SLC38A7: variants seen among roughly 807,000 people sequenced by gnomAD.
SLC38A7 encodes the protein sodium-coupled neutral amino acid transporter 7.
In SLC38A7, 29 loss-of-function variants were observed where a neutral mutation model predicts 50.1. The ratio of observed to expected loss-of-function variants is 0.58; its 90% CI spans 0.43 to 0.79. SLC38A7 has a LOEUF of 0.79. Ranked by LOEUF, SLC38A7 falls within the 30% of genes least tolerant of loss-of-function variation. The probability of loss-of-function intolerance (pLI) is 0.00; values close to 1 mark genes in which losing one functional copy is unlikely to be tolerated. For missense variants in SLC38A7, 483 were observed against 610.6 expected (o/e 0.79, Z 2.20); for synonymous variants, 244 against 245.9 (o/e 0.99, Z 0.07).
chr16:58,672,011 G>C (rs2044168076), intron 9 of SLC38A7, 85 bp downstream of exon 9: 5 of 1,390,050 alleles, frequency 3.6e-6, no homozygotes, highest in Middle Eastern at 2.5e-4. Flanking sequence ...CCTTCTACAG[G>C]ATGGGGTCCA....
intron 9 of SLC38A7, chr16:58,671,773 T>TGC: frequency 4.2e-6 from 1 of 235,330 alleles, no homozygotes; most frequent in South Asian, 9.8e-5. Context: ...TCTCACTAGG[T>TGC]TGCCCAGGTG....
chr16:58,678,610 A>G lies in SLC38A7; in HGVS notation c.469+86T>C, dbSNP rs1236900343. ...AATGCTGGGCCCAGGTAAGTCCTGG[A>G]GAGGTGTTCAGTGCCTTTTCCCTCC... On this transcript the variant is annotated intron_variant, in intron 4 of 11. Coordinates refer to ENST00000219320, the MANE Select transcript of SLC38A7 (RefSeq NM_018231.3). This position sits in a 1 kb window ranked among gnomAD's most constrained non-coding sequence, Gnocchi z 4.0. 2 of 1,574,588 alleles carry G rather than the reference A, an allele frequency of 1.3e-6. No homozygotes were observed. Among genetic ancestry groups the G allele is most frequent in the Admixed American group, 1.7e-5 (1 of 57,452 alleles).
intron 10 of SLC38A7, 63 bp from the exon 11 acceptor site, chr16:58,670,230 C>A: frequency 2.6e-6 from 4 of 1,515,466 alleles, no homozygotes; most frequent in South Asian, 1.1e-5. Context: ...CTCCTAGCCA[C>A]CTCCTTTCCC....
At position 58,680,207 on chromosome 16, in the gene SLC38A7, C is replaced by T; in HGVS notation, c.-81G>A. On this transcript the variant is annotated 5_prime_UTR_variant, in exon 3 of 12. Transcript: ENST00000219320. ...CCTCAGGGAGCTGAGCAACACCCACCTGTTTGGGGCTGTTAGCTTAGGACT... is the reference window on the plus strand; with the variant it reads ...CCTCAGGGAGCTGAGCAACACCCACTTGTTTGGGGCTGTTAGCTTAGGACT... 7.0e-7 allele frequency: 1 copy of T among 1,431,760 alleles called. No individual in the cohort carries two copies. Among genetic ancestry groups the T allele is most frequent in the Non-Finnish European group, 9.2e-7 (1 of 1,087,806 alleles). The allele number at this position is 1,431,760 out of a possible 1,614,324, so 88.7% of individuals were successfully genotyped here. A position where few individuals can be genotyped will look rare whatever the true frequency, so the allele number is the denominator to read the frequency against.
At chr16:58,671,782 T>TATTATTAAAAA in intron 9 of SLC38A7, 3 of 233,950 alleles carry the variant, frequency 1.3e-5, no homozygotes, top group Non-Finnish European at 1.7e-5. Flanking sequence ...GTTGCCCAGG[T>TATTATTAAAAA]GGTCTTGAAC....
intron 2 of SLC38A7, 142 bp from the exon 3 acceptor site, chr16:58,680,383 G>A (rs2044365056): frequency 5.2e-6 from 2 of 387,044 alleles, no homozygotes; most frequent in African/African-American, 2.1e-5. Flanking sequence ...CTGGGTGCCA[G>A]AGTATGGGGA....
rs1243259583 is a variant in SLC38A7 at position 58,670,159 on chromosome 16, G to C, written c.1240C>G (p.Leu414Val). Reference protein sequence around the residue: ...CFIFVFPGLCLIQAKLSEMEE... With the variant: ...CFIFVFPGLCVIQAKLSEMEE... Reference sequence around the variant, plus strand: ...ATCTCAGAGAGTTTGGCTTGAATGAGGCACAGCCCTGAAAGAGAAGAAGTG... The same window carrying C: ...ATCTCAGAGAGTTTGGCTTGAATGACGCACAGCCCTGAAAGAGAAGAAGTG... Residue 414 changes from leucine to valine, a missense_variant, in exon 11 of 12, where the codon CTC becomes GTC. Transcript: ENST00000219320. 6.2e-7 allele frequency: 1 copy of C among 1,614,158 alleles called. No individual in the cohort carries two copies. The highest frequency in any genetic ancestry group is 8.5e-7 in the Non-Finnish European group (1 of 1,180,010).
At chr16:58,673,147 A>C (rs1597668175) in intron 8 of SLC38A7, among the ~76,000 whole-genome samples, 1 of 118,982 alleles carries the variant, frequency 8.4e-6, no homozygotes, top group Non-Finnish European at 1.6e-5. Flanking sequence ...CCCAGGCTGG[A>C]GTACAATGGC....
Position 58,667,121 on chromosome 16 carries a change from G to C in SLC38A7, c.*264C>G, listed in dbSNP as rs1343602213. ...TGGATTCCAGGCATGGAGAAGTTGA[G>C]AACTGGGAGAGGAGGAGGGGTCCTC... On this transcript the variant is annotated 3_prime_UTR_variant, in exon 12 of 12. Transcript: ENST00000219320. The C allele has an allele frequency of 5.8e-6, 3 of 514,022 alleles. No individual in the cohort carries two copies. The highest frequency in any genetic ancestry group is 1.0e-5 in the Non-Finnish European group (3 of 289,852). 31.8% of individuals were successfully genotyped at this position (514,022 alleles called of 1,614,324 possible). A position where few individuals can be genotyped will look rare whatever the true frequency, so the allele number is the denominator to read the frequency against.
chr16:58,679,208 A>G (rs2044333541), intron 3 of SLC38A7, among the ~76,000 whole-genome samples: 1 of 152,038 alleles, frequency 6.6e-6, no homozygotes, highest in Admixed American at 6.6e-5. Flanking sequence ...CCTGGCCAAC[A>G]TGGTAAAACC....
chr16:58,680,318 C>T (rs7193482), intron 2 of SLC38A7, 77 bp from the exon 3 acceptor site: 96,030 of 570,764 alleles, frequency 0.17, 9,073 homozygotes, highest in Non-Finnish European at 0.19. Flanking sequence ...AATAACTTTC[C>T]CAAGATCACA....
At chr16:58,668,644 G>A (rs1320761807) in intron 11 of SLC38A7, among the ~76,000 whole-genome samples, 3 of 146,198 alleles carry the variant, frequency 2.1e-5, no homozygotes, top group Non-Finnish European at 4.5e-5. Context: ...CCCGGGAGGT[G>A]GAGGTTGTTG....
chr16:58,669,584 A>C (rs1330272028), intron 11 of SLC38A7, among the ~76,000 whole-genome samples: 1 of 152,082 alleles, frequency 6.6e-6, no homozygotes, highest in Non-Finnish European at 1.5e-5. Flanking sequence ...TTGTGGGGGA[A>C]GAGGGACTTC....
chr16:58,670,023 C>T (rs968768519), intron 11 of SLC38A7, 90 bp downstream of exon 11: 1 of 1,140,946 alleles, frequency 8.8e-7, no homozygotes, highest in Non-Finnish European at 1.3e-6. Context: ...GTACACAAGC[C>T]TCTGACTCCT....
At chr16:58,679,822 A>G (rs1034188930) in intron 3 of SLC38A7, 35 bp downstream of exon 3, 1 of 1,611,254 alleles carries the variant, frequency 6.2e-7, no homozygotes, top group African/African-American at 1.3e-5. Context: ...CGCCCAACTG[A>G]ACTGCACCTC....
intron 2 of SLC38A7, among the ~76,000 whole-genome samples, chr16:58,682,247 G>C (rs1473861548): frequency 1.3e-5 from 2 of 152,116 alleles, no homozygotes; most frequent in African/African-American, 4.8e-5. Context: ...GCTAATGGGA[G>C]AAAGAGCAGG....
chr16:58,678,906 G>C lies in SLC38A7; in HGVS notation c.271-12C>G. 1 of 1,610,348 alleles carries C rather than the reference G, an allele frequency of 6.2e-7. No homozygotes were observed. The highest frequency in any genetic ancestry group is 8.5e-7 in the Non-Finnish European group (1 of 1,179,868). On this transcript the variant is annotated splice_polypyrimidine_tract_variant and intron_variant, in intron 3 of 11. Coordinates refer to ENST00000219320, the MANE Select transcript of SLC38A7 (RefSeq NM_018231.3). This position sits in a 1 kb window ranked among gnomAD's most constrained non-coding sequence, Gnocchi z 4.0. ...AAAACCAGCATACCCTGCAGGCAGA[G>C]GCAGAACAAGAGCTTGTGGCAAAGG...
Position 58,678,452 on chromosome 16 carries a change from C to T in SLC38A7, c.492G>A (p.Glu164=). ...QDKIIAVMAK[E]PEGASGPWYT... ...ACCAAGGGCCGCTGGCCCCCTCCGG[C>T]TCTTTCGCCATCACAGCTATAACTG... The change falls in exon 5 of 12, where the codon GAG becomes GAA. Residue 164 remains glutamate, a synonymous_variant. Transcript: ENST00000219320. This position sits in a 1 kb window ranked among gnomAD's most constrained non-coding sequence, Gnocchi z 4.0. The T allele has an allele frequency of 6.4e-7, 1 of 1,564,398 alleles. No homozygotes were observed. Among genetic ancestry groups the T allele is most frequent in the Non-Finnish European group, 8.7e-7 (1 of 1,155,708 alleles).
rs750328473 is a variant in SLC38A7 at position 58,671,155 on chromosome 16, G to T, written c.1121C>A (p.Thr374Lys). The change falls in exon 10 of 12, where the codon ACG (threonine) becomes AAG (lysine). Residue 374 changes from threonine to lysine, a missense_variant. Thr to Lys is a moderately conservative substitution (Grantham distance 78). Coordinates refer to ENST00000219320, the MANE Select transcript of SLC38A7 (RefSeq NM_018231.3). ...CAGGGTGAGCAGGAACCAGACCAGC[G>T]TCTGCAGCACTCGCCGCCGCCGCTC... ...GRERRRRVLQ[T>K]LVWFLLTLLL... 1 of 1,613,944 alleles carries T rather than the reference G, an allele frequency of 6.2e-7. No homozygotes were observed. Among genetic ancestry groups the T allele is most frequent in the Non-Finnish European group, 8.5e-7 (1 of 1,179,936 alleles).
Sources: gnomAD v4.1 joint callset for allele counts (sites outside exome capture counted in the v4.1 genomes callset) on GRCh38, gnomAD v4.1.1 for gene constraint, Gnocchi (gnomAD v3.1) non-coding constraint, MANE v1.5 for transcripts, NCBI Gene and HGNC (gene_info 2026-07-23, HGNC 2026-07-21) for gene names.